PRKCZ: variants seen among roughly 807,000 people sequenced by gnomAD.
PRKCZ encodes protein kinase C zeta type.
Under a neutral mutation model 79.5 loss-of-function variants are expected in PRKCZ, and 33 were observed. That is an observed-to-expected ratio of 0.41 (90% CI 0.31 to 0.55). PRKCZ has a LOEUF of 0.55. Ranked by LOEUF, PRKCZ falls within the 20% of genes least tolerant of loss-of-function variation. The pLI, the probability that PRKCZ is intolerant of heterozygous loss-of-function variation, is 0.19. For missense variants in PRKCZ, 578 were observed against 813.5 expected, an observed-to-expected ratio of 0.71 and a Z score of 3.52; for synonymous variants, 342 against 320.9, an observed-to-expected ratio of 1.07 and a Z score of -0.70.
chr1:2,137,229 A>G (rs1039347848), intron 5 of PRKCZ, among the ~76,000 whole-genome samples: 10 of 152,162 alleles, frequency 6.6e-5, no homozygotes, highest in African/African-American at 2.4e-4. Context: ...TGGGAGAAAG[A>G]TGAAAGCCAG....
At chr1:2,077,513 C>T (rs1268851041) in intron 4 of PRKCZ, among the ~76,000 whole-genome samples, 1 of 152,150 alleles carries the variant, frequency 6.6e-6, no homozygotes, top group Non-Finnish European at 1.5e-5. Flanking sequence ...GGTGTCTTGT[C>T]CTGGTCAGGA....
chr1:2,074,110 C>A (rs1571172553), intron 4 of PRKCZ: 5 of 1,512,626 alleles, frequency 3.3e-6, no homozygotes, highest in Non-Finnish European at 4.4e-6. Flanking sequence ...GGTGCCACGG[C>A]CCGGGGAAGG....
intron 4 of PRKCZ, among the ~76,000 whole-genome samples, chr1:2,116,963 C>G (rs558334139): frequency 1.3e-5 from 2 of 151,858 alleles, no homozygotes; most frequent in African/African-American, 2.4e-5. Flanking sequence ...AGGGGAGTTG[C>G]GGGGGGCAGA....
intron 5 of PRKCZ, among the ~76,000 whole-genome samples, chr1:2,135,666 C>T (rs751561389): frequency 3.3e-5 from 5 of 152,226 alleles, no homozygotes; most frequent in South Asian, 2.1e-4. Context: ...CAGAGTGGGG[C>T]GGCCGCATTC....
In PRKCZ at chr1:2,150,745, G is replaced by A. The variant is rs11583093; in HGVS notation, c.688-45G>A. ...TGATGCGTGGTCCTCTGAGTCTCCCGGGAACCCCCCTCTCACTTTCTGGGG... is the reference window on the plus strand; with the variant it reads ...TGATGCGTGGTCCTCTGAGTCTCCCAGGAACCCCCCTCTCACTTTCTGGGG... On this transcript the variant is annotated intron_variant, in intron 8 of 17. Coordinates refer to ENST00000378567, the MANE Select transcript of PRKCZ (RefSeq NM_002744.6). 9.0e-3 allele frequency: 14,107 copies of A among 1,573,202 alleles called. 73 individuals are homozygous for A. Among genetic ancestry groups the A allele is most frequent in the Middle Eastern group, 0.014 (76 of 5,604 alleles).
intron 4 of PRKCZ, among the ~76,000 whole-genome samples, chr1:2,131,123 G>A (rs901343686): frequency 1.3e-5 from 2 of 152,094 alleles, no homozygotes; most frequent in African/African-American, 4.8e-5. Context: ...TTGAATCCCC[G>A]CCTCTCACTC....
rs1674283655 is a variant in PRKCZ at position 2,128,034 on chromosome 1, C to G, written c.335-7228C>G. Among the ~76,000 whole-genome samples, 1 of 152,218 alleles carries G rather than the reference C, an allele frequency of 6.6e-6. No individual in the cohort carries two copies. The highest frequency in any genetic ancestry group is 2.4e-5 in the African/African-American group (1 of 41,460). On this transcript the variant is annotated intron_variant, in intron 4 of 17. Transcript: ENST00000378567. This position sits in a 1 kb window ranked among gnomAD's most constrained non-coding sequence, Gnocchi z 6.5. The stretch of plus-strand genomic sequence containing the variant: ...GCCCCAGGCTCCTGGAGCTCAGAAT[C>G]TAGTGGAAATCGCTGCCCAGGGAAG...
rs564778926 is a variant in PRKCZ, at chr1:2,171,370, A to ATT, written c.1062-671_1062-670dup. The stretch of plus-strand genomic sequence containing the variant: ...AAAAAAAAAAAAAAGGTCATATTTA[A>ATT]TTTTTTTTTTTTTTTGATGGAGTCT... On this transcript the variant is annotated intron_variant, in intron 11 of 17. Transcript: ENST00000378567. 9.4e-4 allele frequency among the ~76,000 whole-genome samples: 127 copies of ATT among 135,206 alleles called. 1 individual carries two copies. Among genetic ancestry groups the ATT allele is most frequent in the African/African-American group, 3.2e-3 (111 of 35,080 alleles). 88.7% of individuals were successfully genotyped at this position (135,206 alleles called of 152,430 possible). A position where few individuals can be genotyped will look rare whatever the true frequency, so the allele number is the denominator to read the frequency against.
intron 10 of PRKCZ, among the ~76,000 whole-genome samples, chr1:2,157,657 CAGCCTCCCAA>C (rs892739828): frequency 3.3e-5 from 5 of 151,780 alleles, no homozygotes; most frequent in Non-Finnish European, 7.4e-5. Context: ...CTGCCCTCTG[CAGCCTCCCAA>C]AGTGTTGGGA....
intron 4 of PRKCZ, among the ~76,000 whole-genome samples, chr1:2,126,430 G>A (rs1253042978): frequency 6.6e-6 from 1 of 152,008 alleles, no homozygotes; most frequent in East Asian, 1.9e-4. Context: ...GGTGCTGCTG[G>A]TGGGTAATCC....
At chr1:2,121,722 ACGG>A (rs1672079763) in intron 4 of PRKCZ, among the ~76,000 whole-genome samples, 1 of 28,262 alleles carries the variant, frequency 3.5e-5, no homozygotes, top group Non-Finnish European at 7.6e-5. Flanking sequence ...AGTTAGGGTC[ACGG>A]CGGTACTTAG....
chr1:2,134,244 G>C (rs1675692687), intron 4 of PRKCZ, among the ~76,000 whole-genome samples: 1 of 152,236 alleles, frequency 6.6e-6, no homozygotes, highest in Non-Finnish European at 1.5e-5. Context: ...AGGAAGAGGA[G>C]CAGGTTTTAC....
In PRKCZ at chr1:2,174,625, G is replaced by A. The variant is rs1557741109; in HGVS notation, c.1406-129G>A. On this transcript the variant is annotated intron_variant, in intron 14 of 17. Transcript: ENST00000378567. The surrounding 1 kb of genome is among the most constrained non-coding windows in gnomAD (Gnocchi z 6.2). ...TCCGGGTTATAGATATTGCTGGGCTGTAGGAAGGGAGGGGCTCCGGGGCCC... is the reference window on the plus strand; with the variant it reads ...TCCGGGTTATAGATATTGCTGGGCTATAGGAAGGGAGGGGCTCCGGGGCCC... 7.0e-6 allele frequency: 6 copies of A among 854,028 alleles called. No homozygotes were observed. Among genetic ancestry groups the A allele is most frequent in the South Asian group, 1.6e-5 (1 of 64,182 alleles). 52.9% of individuals were successfully genotyped at this position (854,028 alleles called of 1,614,324 possible).
At position 2,165,067 on chromosome 1, in the gene PRKCZ, G is replaced by A. The variant is rs1194582014; in HGVS notation, c.975-4451G>A. ...CCTCCAGTGCTCGAGTGCATTTCCTGGGCACTTTCTGGCCTTTTATCTTTG... is the reference window on the plus strand; with the variant it reads ...CCTCCAGTGCTCGAGTGCATTTCCTAGGCACTTTCTGGCCTTTTATCTTTG... On this transcript the variant is annotated intron_variant, in intron 10 of 17. Coordinates refer to ENST00000378567, the MANE Select transcript of PRKCZ (RefSeq NM_002744.6). This position sits in a 1 kb window ranked among gnomAD's most constrained non-coding sequence, Gnocchi z 4.1. Among the ~76,000 whole-genome samples the A allele has an allele frequency of 6.6e-6, 1 of 152,162 alleles. No individual in the cohort carries two copies. Among genetic ancestry groups the A allele is most frequent in the Non-Finnish European group, 1.5e-5 (1 of 68,024 alleles).
chr1:2,163,167 AC>A (rs1325225027), intron 10 of PRKCZ, among the ~76,000 whole-genome samples: 1 of 152,190 alleles, frequency 6.6e-6, no homozygotes, highest in Non-Finnish European at 1.5e-5. Flanking sequence ...CAGCTGGAAC[AC>A]TTTGCACCGG....
intron 9 of PRKCZ, 22 bp from the exon 10 acceptor site, chr1:2,155,973 C>T: frequency 6.2e-7 from 1 of 1,606,016 alleles, no homozygotes; most frequent in Admixed American, 1.7e-5. Context: ...GCCTCATTAC[C>T]ACTCCCTGGT....
At chr1:2,136,683 G>A (rs1676265463) in intron 5 of PRKCZ, among the ~76,000 whole-genome samples, 1 of 152,128 alleles carries the variant, frequency 6.6e-6, no homozygotes, top group African/African-American at 2.4e-5. Context: ...GTGGCTGGAG[G>A]TGGCCACATT....
rs537466659 is a variant in PRKCZ, at chr1:2,156,232, C to T, written c.974+140C>T. 123 of 697,294 alleles carry T rather than the reference C, an allele frequency of 1.8e-4. 1 individual carries two copies. The highest frequency in any genetic ancestry group is 1.7e-3 in the South Asian group (102 of 61,024). 43.2% of individuals were successfully genotyped at this position (697,294 alleles called of 1,614,324 possible). ...ACGGGTGTTTTCAGGCCAGCAGACT[C>T]TCTTTGTTGTTCTCCTTGGTTGGTG... On this transcript the variant is annotated intron_variant, in intron 10 of 17. Transcript: ENST00000378567.
rs1663691967 is a variant in PRKCZ, at chr1:2,082,320, G to A, written c.334+22729G>A. 2.2e-6 allele frequency: 1 copy of A among 453,412 alleles called. No individual in the cohort carries two copies. Among genetic ancestry groups the A allele is most frequent in the Non-Finnish European group, 4.4e-6 (1 of 225,592 alleles). 28.1% of individuals were successfully genotyped at this position (453,412 alleles called of 1,614,324 possible). On this transcript the variant is annotated intron_variant, in intron 4 of 17. Coordinates refer to ENST00000378567, the MANE Select transcript of PRKCZ (RefSeq NM_002744.6). The surrounding 1 kb of genome is among the most constrained non-coding windows in gnomAD (Gnocchi z 4.4). ...GGGGGCTGCCAGAGCGGCTGTTCAA[G>A]ATGGACTTGGCAAATCACCTCTTTC...
Sources: allele counts gnomAD v4.1 joint callset (sites outside exome capture counted in the v4.1 genomes callset), GRCh38; gene constraint gnomAD v4.1.1; non-coding constraint Gnocchi (gnomAD v3.1); transcripts MANE v1.5; gene names NCBI Gene and HGNC (gene_info 2026-07-23, HGNC 2026-07-21).